OR9K2: variants seen among roughly 807,000 people sequenced by gnomAD.
OR9K2 encodes olfactory receptor family 9 subfamily K member 2, also known as olfactory receptor 9K2.
In OR9K2, 16 loss-of-function variants were observed where a neutral mutation model predicts 12.4. The observed-to-expected ratio is 1.29, with a 90% confidence interval of 0.87 to 1.95. OR9K2 has a LOEUF of 1.95. Among genes scored for constraint, OR9K2 ranks in the 30% most tolerant of loss-of-function variants. The pLI, the probability that OR9K2 is intolerant of heterozygous loss-of-function variation, is 0.00. For missense variants in OR9K2, 434 were observed against 376.5 expected, an observed-to-expected ratio of 1.15 and a Z score of -1.26; for synonymous variants, 133 against 133.2, an observed-to-expected ratio of 1.00 and a Z score of 0.01.
rs1311694414 is a variant in OR9K2 at position 55,132,209 on chromosome 12, T to C, written c.*1433T>C. On this transcript the variant is annotated 3_prime_UTR_variant, in exon 3 of 3. Transcript: ENST00000641329. The stretch of plus-strand genomic sequence containing the variant: ...GCCTTCTCTCACCACACCTTTTCAA[T>C]ATTTTAATGGAAGTGCTAGCCAATG... 6.6e-6 allele frequency: 1 copy of C among 152,176 alleles called. No individual in the cohort carries two copies. The highest frequency in any genetic ancestry group is 1.9e-4 in the East Asian group (1 of 5,192). The allele number at this position is 152,176 out of a possible 1,614,324, so 9.4% of individuals were successfully genotyped here.
In OR9K2 at chr12:55,130,854, C is replaced by T. The variant is rs529158446; in HGVS notation, c.*78C>T. 7.2e-5 allele frequency: 59 copies of T among 818,358 alleles called. No individual in the cohort carries two copies. The highest frequency in any genetic ancestry group is 1.6e-4 in the East Asian group (6 of 37,528). 50.7% of individuals were successfully genotyped at this position (818,358 alleles called of 1,614,324 possible). The stretch of plus-strand genomic sequence containing the variant: ...TGTTCATTAATAAAAGTTACTCTCC[C>T]GAATGTCATAAAAATACTCTTAGAT... On this transcript the variant is annotated 3_prime_UTR_variant, in exon 3 of 3. Transcript: ENST00000641329.
intron 2 of OR9K2, 135 bp from the exon 3 acceptor site, chr12:55,129,691 C>A: frequency 9.5e-7 from 1 of 1,048,642 alleles, no homozygotes; most frequent in Non-Finnish European, 1.4e-6. Context: ...TCACAGTATA[C>A]TTATGAGGCA....
Position 55,131,706 on chromosome 12 carries a change from C to G in OR9K2, c.*930C>G, listed in dbSNP as rs1953474646. On this transcript the variant is annotated 3_prime_UTR_variant, in exon 3 of 3. Transcript: ENST00000641329. ...GATACTGAAATCCTTGGGCATAAAA[C>G]CAAAATCCAGACATTTTGCCAAAGG... 1 of 152,048 alleles carries G rather than the reference C, an allele frequency of 6.6e-6. No individual in the cohort carries two copies. The highest frequency in any genetic ancestry group is 6.6e-5 in the Admixed American group (1 of 15,238). 9.4% of individuals were successfully genotyped at this position (152,048 alleles called of 1,614,324 possible).
At chr12:55,128,221 A>G (rs912351806) in intron 2 of OR9K2, among the ~76,000 whole-genome samples, 2 of 151,874 alleles carry the variant, frequency 1.3e-5, no homozygotes, top group African/African-American at 2.4e-5. Flanking sequence ...ATTAATATGT[A>G]ACCTCAATAT....
Position 55,130,182 on chromosome 12 carries a change from T to G in OR9K2, c.348T>G (p.Phe116Leu), listed in dbSNP as rs778673795. 3.1e-6 allele frequency: 5 copies of G among 1,613,990 alleles called. No individual in the cohort carries two copies. In the East Asian group the frequency reaches 1.1e-4, roughly 36 times the overall value. The change falls in exon 3 of 3, where the codon TTT (phenylalanine) becomes TTG (leucine). Residue 116 changes from phenylalanine (F) to leucine (L), a missense_variant. By Grantham distance (22) the Phe-to-Leu change is conservative. Transcript: ENST00000641329. ...LFALLIVTEG[F>L]LLAAMAYDRF... ...CCCTCCTCATTGTGACTGAGGGATTTCTCCTGGCGGCCATGGCTTATGACC... is the reference window on the plus strand; with the variant it reads ...CCCTCCTCATTGTGACTGAGGGATTGCTCCTGGCGGCCATGGCTTATGACC...
Position 55,130,678 on chromosome 12 carries a change from G to T in OR9K2, c.844G>T (p.Val282Phe), listed in dbSNP as rs528038728. 112 of 1,612,312 alleles carry T rather than the reference G, an allele frequency of 6.9e-5. 3 individuals carry two copies. In the South Asian group the frequency reaches 1.2e-3, roughly 18 times the overall value. ...SKVASLCYSL[V>F]TPMLNPLIYS... The stretch of plus-strand genomic sequence containing the variant: ...AGTGGCATCCTTATGTTACTCCCTA[G>T]TCACTCCCATGTTGAATCCTTTGAT... The change falls in exon 3 of 3, where the codon GTC (valine) becomes TTC (phenylalanine). Residue 282 changes from valine to phenylalanine, a missense_variant. Val to Phe is a conservative substitution (Grantham distance 50, BLOSUM62 -1). Coordinates refer to ENST00000641329, the MANE Select transcript of OR9K2 (RefSeq NM_001005243.2).
At chr12:55,128,128 A>G (rs1021653305) in intron 2 of OR9K2, among the ~76,000 whole-genome samples, 1 of 151,882 alleles carries the variant, frequency 6.6e-6, no homozygotes, top group Non-Finnish European at 1.5e-5. Context: ...ATTAACTGCC[A>G]TTTACCAGAC....
intron 2 of OR9K2, among the ~76,000 whole-genome samples, chr12:55,127,512 T>C (rs570746379): frequency 6.6e-6 from 1 of 152,148 alleles, no homozygotes; most frequent in Non-Finnish European, 1.5e-5. Flanking sequence ...ATTACTTACA[T>C]ATTTAATTTT....
chr12:55,130,824 A>G lies in OR9K2; in HGVS notation c.*48A>G, dbSNP rs1427735344. ...TTTATTGTGGCTATTTATTTAATAC[A>G]CCTGTGTTCATTAATAAAAGTTACT... On this transcript the variant is annotated 3_prime_UTR_variant, in exon 3 of 3. Coordinates refer to ENST00000641329, the MANE Select transcript of OR9K2 (RefSeq NM_001005243.2). The G allele has an allele frequency of 9.6e-7, 1 of 1,037,692 alleles. No individual in the cohort carries two copies. The highest frequency in any genetic ancestry group is 1.4e-6 in the Non-Finnish European group (1 of 712,176). The allele number at this position is 1,037,692 out of a possible 1,614,324, so 64.3% of individuals were successfully genotyped here.
In OR9K2 at chr12:55,130,239, C is replaced by T. The variant is rs1953461834; in HGVS notation, c.405C>T (p.Tyr135=). ...RFIAICNPLL[Y]SVQMSTRLCT... is the part of the protein sequence containing the mutation. ...TTGCCATCTGCAACCCTCTGCTCTACTCTGTTCAAATGTCCACACGTCTGT... is the reference window on the plus strand; with the variant it reads ...TTGCCATCTGCAACCCTCTGCTCTATTCTGTTCAAATGTCCACACGTCTGT... The change falls in exon 3 of 3, where the codon TAC becomes TAT. Residue 135 remains tyrosine, a synonymous_variant. Transcript: ENST00000641329. The T allele has an allele frequency of 6.2e-7, 1 of 1,614,102 alleles. No homozygotes were observed. Among genetic ancestry groups the T allele is most frequent in the Non-Finnish European group, 8.5e-7 (1 of 1,180,006 alleles).
intron 2 of OR9K2, among the ~76,000 whole-genome samples, chr12:55,128,541 A>G (rs1282278368): frequency 6.6e-6 from 1 of 151,990 alleles, no homozygotes; most frequent in African/African-American, 2.4e-5. Flanking sequence ...TCATCTGTAA[A>G]CTTGGGAATA....
Position 55,130,764 on chromosome 12 carries a change from T to G in OR9K2, c.930T>G (p.Asn310Lys). The G allele has an allele frequency of 6.5e-7, 1 of 1,528,940 alleles. No individual in the cohort carries two copies. The highest frequency in any genetic ancestry group is 8.9e-7 in the Non-Finnish European group (1 of 1,117,798). The allele number at this position is 1,528,940 out of a possible 1,614,324, so 94.7% of individuals were successfully genotyped here. A position where few individuals can be genotyped will look rare whatever the true frequency, so the allele number is the denominator to read the frequency against. ...EALKKFLEKKNIIL is the reference protein window; with the variant it reads ...EALKKFLEKKKIIL Reference sequence around the variant, plus strand: ...TAAAAAAATTTCTAGAGAAGAAAAATATTATTCTTTGATTATTATTTCTCT... The same window carrying G: ...TAAAAAAATTTCTAGAGAAGAAAAAGATTATTCTTTGATTATTATTTCTCT... Residue 310 changes from asparagine (N) to lysine (K), a missense_variant, in exon 3 of 3, where the codon AAT becomes AAG. Asn to Lys is a moderately conservative substitution (Grantham distance 94). Transcript: ENST00000641329.
Position 55,130,796 on chromosome 12 carries a change from A to C in OR9K2, c.*20A>C, listed in dbSNP as rs766760986. The C allele has an allele frequency of 3.6e-6, 5 of 1,378,524 alleles. No individual in the cohort carries two copies. The highest frequency in any genetic ancestry group is 2.0e-5 in the Admixed American group (1 of 49,230). The allele number at this position is 1,378,524 out of a possible 1,614,324, so 85.4% of individuals were successfully genotyped here. A position where few individuals can be genotyped will look rare whatever the true frequency, so the allele number is the denominator to read the frequency against. ...CTTTGATTATTATTTCTCTTTCACC[A>C]ATTTTATTGTGGCTATTTATTTAAT... On this transcript the variant is annotated 3_prime_UTR_variant, in exon 3 of 3. Transcript: ENST00000641329.
At position 55,130,163 on chromosome 12, in the gene OR9K2, T is replaced by TC. The variant is rs1953460811; in HGVS notation, c.330dup (p.Ile111HisfsTer4). 1 of 1,613,946 alleles carries TC rather than the reference T, an allele frequency of 6.2e-7. No individual in the cohort carries two copies. Among genetic ancestry groups the TC allele is most frequent in the African/African-American group, 1.3e-5 (1 of 74,916 alleles). On this transcript the variant is annotated frameshift_variant, in exon 3 of 3. Transcript: ENST00000641329. LOFTEE classifies it high-confidence loss of function. ...GCCCAGCTCTTTCTCTTTGCCCTCCTCATTGTGACTGAGGGATTTCTCCTG... is the reference window on the plus strand; with the variant it reads ...GCCCAGCTCTTTCTCTTTGCCCTCCTCCATTGTGACTGAGGGATTTCTCCTG...
At chr12:55,128,647 A>C (rs1040311805) in intron 2 of OR9K2, among the ~76,000 whole-genome samples, 1 of 152,188 alleles carries the variant, frequency 6.6e-6, no homozygotes, top group Non-Finnish European at 1.5e-5. Context: ...TGCCATATAC[A>C]TATTTGTTAT....
intron 2 of OR9K2, among the ~76,000 whole-genome samples, chr12:55,127,192 C>T (rs1171337303): frequency 6.6e-6 from 1 of 151,424 alleles, no homozygotes; most frequent in Non-Finnish European, 1.5e-5. Flanking sequence ...AGATTCAGAA[C>T]ATTATGTTGA....
chr12:55,129,719 T>G (rs777433262), intron 2 of OR9K2, 107 bp from the exon 3 acceptor site: 1 of 1,344,056 alleles, frequency 7.4e-7, no homozygotes, highest in East Asian at 2.3e-5. Context: ...ATAATAACAT[T>G]AATTTAAAAA....
At chr12:55,127,461 G>C (rs1223427692) in intron 2 of OR9K2, among the ~76,000 whole-genome samples, 1 of 151,840 alleles carries the variant, frequency 6.6e-6, no homozygotes, top group Non-Finnish European at 1.5e-5. Flanking sequence ...CATCTTTCCA[G>C]ACCCTAAGTG....
chr12:55,129,834 C>T lies in OR9K2; in HGVS notation c.-1C>T, dbSNP rs755313100. 5 of 1,613,106 alleles carry T rather than the reference C, an allele frequency of 3.1e-6. No homozygotes were observed. The highest frequency in any genetic ancestry group is 4.2e-6 in the Non-Finnish European group (5 of 1,179,170). Reference sequence around the variant, plus strand: ...CCTGTGCCTCTCAACAGGTTTCTACCATGGGTGACAGGGGAACAAGCAATC... The same window carrying T: ...CCTGTGCCTCTCAACAGGTTTCTACTATGGGTGACAGGGGAACAAGCAATC... On this transcript the variant is annotated 5_prime_UTR_variant, in exon 3 of 3. Transcript: ENST00000641329.
Sources: gnomAD v4.1 joint callset for allele counts (sites outside exome capture counted in the v4.1 genomes callset) on GRCh38, gnomAD v4.1.1 for gene constraint, MANE v1.5 for transcripts, NCBI Gene and HGNC (gene_info 2026-07-23, HGNC 2026-07-21) for gene names.